Variants in PTPRN2 observed in about 807,000 individuals in gnomAD.
The protein encoded by PTPRN2 is protein tyrosine phosphatase receptor type N2.
PTPRN2 carries 74 observed loss-of-function variants against 118.8 expected under a neutral mutation model. The ratio of observed to expected loss-of-function variants is 0.62; its 90% CI spans 0.52 to 0.76. PTPRN2 has a LOEUF of 0.76. Among genes scored for constraint, PTPRN2 ranks in the 30% least tolerant of loss-of-function variants. PTPRN2 has a pLI of 0.00. For synonymous variants in PTPRN2, 641 were observed against 608.0 expected, an observed-to-expected ratio of 1.05 and a Z score of -0.80; for missense variants, 1,481 against 1,394.4, an observed-to-expected ratio of 1.06 and a Z score of -0.99.
At position 157,784,425 on chromosome 7, in the gene PTPRN2, G is replaced by A. The variant is rs73165849; in HGVS notation, c.1789-101488C>T. 0.22 allele frequency among the ~76,000 whole-genome samples: 33,970 copies of A among 152,082 alleles called. 4,827 individuals are homozygous for A. Among genetic ancestry groups the A allele is most frequent in the Middle Eastern group, 0.34 (100 of 292 alleles). On this transcript the variant is annotated intron_variant, in intron 12 of 22. Coordinates refer to ENST00000389418, the MANE Select transcript of PTPRN2 (RefSeq NM_002847.5). This position sits in a 1 kb window ranked among gnomAD's most constrained non-coding sequence, Gnocchi z 4.6. Reference sequence around the variant, plus strand: ...TAGCAAGATGCCGACCTGCAGCAGCGCCCACAAGGCTCAGGGCTGGGTCCA... The same window carrying A: ...TAGCAAGATGCCGACCTGCAGCAGCACCCACAAGGCTCAGGGCTGGGTCCA...
At chr7:157,589,816 A>G (rs1040185710) in intron 17 of PTPRN2, among the ~76,000 whole-genome samples, 1 of 152,270 alleles carries the variant, frequency 6.6e-6, no homozygotes, top group Admixed American at 6.5e-5. Context: ...AGTTTTACGC[A>G]CCACCAAGTC....
At chr7:157,969,942 C>A (rs1397535367) in intron 11 of PTPRN2, among the ~76,000 whole-genome samples, 2 of 151,982 alleles carry the variant, frequency 1.3e-5, no homozygotes, top group Non-Finnish European at 2.9e-5. Context: ...ACTCCTGAGG[C>A]CAACGGGATC....
intron 12 of PTPRN2, among the ~76,000 whole-genome samples, chr7:157,835,512 G>T (rs548167300): frequency 6.6e-6 from 1 of 152,154 alleles, no homozygotes; most frequent in Non-Finnish European, 1.5e-5. Context: ...TATTAGAGAC[G>T]TACGGCACAG....
intron 11 of PTPRN2, among the ~76,000 whole-genome samples, chr7:157,911,599 A>T (rs1342668802): frequency 6.6e-6 from 1 of 152,186 alleles, no homozygotes; most frequent in Non-Finnish European, 1.5e-5. Flanking sequence ...AGAATATTAT[A>T]AAATATGTGT....
intron 6 of PTPRN2, among the ~76,000 whole-genome samples, chr7:158,164,854 G>T (rs1269506669): frequency 6.6e-6 from 1 of 152,204 alleles, no homozygotes; most frequent in Non-Finnish European, 1.5e-5. Context: ...GGAAGGCTGA[G>T]ATGAGAAGCT....
chr7:158,556,994 GCAGGTCGCTCCCA>G, intron 1 of PTPRN2, among the ~76,000 whole-genome samples: 1 of 128,954 alleles, frequency 7.8e-6, no homozygotes, highest in African/African-American at 3.9e-5. Context: ...CGGCTCCCAC[GCAGGTCGCTCCCA>G]CGCAGGTCGC....
chr7:158,148,485 T>A (rs1292485682), intron 6 of PTPRN2, among the ~76,000 whole-genome samples: 1 of 127,852 alleles, frequency 7.8e-6, no homozygotes. Context: ...TGACACCCCA[T>A]CTCACGCCAC....
At position 157,589,092 on chromosome 7, in the gene PTPRN2, T is replaced by C. The variant is rs142437737; in HGVS notation, c.2496+6146A>G. On this transcript the variant is annotated intron_variant, in intron 17 of 22. Transcript: ENST00000389418. ...CTCATCTTCCCAAATGGAAGCCCTG[T>C]CACCATCAAGCCCCTCTGCACTGTC... Among the ~76,000 whole-genome samples the C allele has an allele frequency of 2.7e-3, 404 of 152,318 alleles. 3 individuals carry two copies. The highest frequency in any genetic ancestry group is 9.2e-3 in the African/African-American group (384 of 41,578).
At chr7:157,797,473 G>A (rs182003190) in intron 12 of PTPRN2, among the ~76,000 whole-genome samples, 178 of 138,344 alleles carry the variant, frequency 1.3e-3, no homozygotes, top group African/African-American at 5.9e-3. Flanking sequence ...TATGGGCTGA[G>A]GTCGTGGGAG....
chr7:157,574,518 G>A (rs1348624223), intron 19 of PTPRN2: 6 of 321,164 alleles, frequency 1.9e-5, no homozygotes, highest in Non-Finnish European at 3.6e-5. Flanking sequence ...AATAATGAGA[G>A]AGAGAGAGAG....
rs1402088138 is a variant in PTPRN2, at chr7:157,929,331, G to A, written c.1724-30594C>T. ...AACCCTGCCTTACGGTGGGGATGCT[G>A]GACAGGCATTCAGGAGACACAAATG... is the stretch of plus-strand genomic sequence containing the variant. On this transcript the variant is annotated intron_variant, in intron 11 of 22. Transcript: ENST00000389418. This position sits in a 1 kb window ranked among gnomAD's most constrained non-coding sequence, Gnocchi z 4.4. 1.3e-5 allele frequency among the ~76,000 whole-genome samples: 2 copies of A among 151,824 alleles called. No homozygotes were observed. The highest frequency in any genetic ancestry group is 4.8e-5 in the African/African-American group (2 of 41,386).
chr7:157,551,388 T>C (rs921501777), intron 21 of PTPRN2, among the ~76,000 whole-genome samples: 1 of 151,956 alleles, frequency 6.6e-6, no homozygotes, highest in African/African-American at 2.4e-5. Flanking sequence ...CTTTCAAGCA[T>C]CTCAAGTTGG....
intron 2 of PTPRN2, among the ~76,000 whole-genome samples, chr7:158,387,026 C>T (rs1020992353): frequency 3.9e-5 from 6 of 152,268 alleles, no homozygotes; most frequent in Admixed American, 6.5e-5. Flanking sequence ...TCTGGGATCG[C>T]GTCTGCCCAG....
chr7:158,000,301 A>G (rs963286200), intron 11 of PTPRN2, among the ~76,000 whole-genome samples: 2 of 152,172 alleles, frequency 1.3e-5, no homozygotes, highest in African/African-American at 4.8e-5. Flanking sequence ...GATTAAAACA[A>G]AAGGTTAAAG....
At chr7:157,994,270 C>T (rs1804480161) in intron 11 of PTPRN2, among the ~76,000 whole-genome samples, 1 of 152,208 alleles carries the variant, frequency 6.6e-6, no homozygotes, top group Admixed American at 6.5e-5. Flanking sequence ...GCCACTGCTT[C>T]CTTTTTAATT....
rs549801696 is a variant in PTPRN2, at chr7:158,233,464, C to T, written c.278-28191G>A. The stretch of plus-strand genomic sequence containing the variant: ...ATTCCATGCTCATGTATCCAAATAA[C>T]TAATACTGTTAAAATGTCGATACTA... On this transcript the variant is annotated intron_variant, in intron 3 of 22. Transcript: ENST00000389418. 2.0e-5 allele frequency among the ~76,000 whole-genome samples: 3 copies of T among 152,234 alleles called. No homozygotes were observed. The East Asian group carries it at 5.8e-4, about 29-fold the overall frequency.
intron 1 of PTPRN2, among the ~76,000 whole-genome samples, chr7:158,514,974 G>A (rs547012523): frequency 1.3e-5 from 2 of 152,232 alleles, no homozygotes; most frequent in South Asian, 4.1e-4. Flanking sequence ...CTGAAGAAGA[G>A]GATTCCGTGA....
At chr7:157,728,441 G>T (rs775192896) in intron 12 of PTPRN2, among the ~76,000 whole-genome samples, 2 of 152,206 alleles carry the variant, frequency 1.3e-5, no homozygotes, top group East Asian at 3.9e-4. Context: ...GGGGTTTCAC[G>T]GGGGCGAGGG....
chr7:157,641,357 T>A (rs1804653889), intron 14 of PTPRN2, among the ~76,000 whole-genome samples: 1 of 152,220 alleles, frequency 6.6e-6, no homozygotes, highest in African/African-American at 2.4e-5. Context: ...GAATGAGATG[T>A]ACACAGGCCA....
Sources: gnomAD v4.1 joint callset for allele counts (sites outside exome capture counted in the v4.1 genomes callset) on GRCh38, gnomAD v4.1.1 for gene constraint, Gnocchi (gnomAD v3.1) non-coding constraint, MANE v1.5 for transcripts, NCBI Gene and HGNC (gene_info 2026-07-23, HGNC 2026-07-21) for gene names.